Variants in SPAG16 observed in about 807,000 individuals in gnomAD.
The protein encoded by SPAG16 is sperm-associated antigen 16 protein.
SPAG16 carries 86 observed loss-of-function variants against 80.4 expected under a neutral mutation model. That is an observed-to-expected ratio of 1.07 (90% CI 0.90 to 1.28). The LOEUF (loss-of-function observed/expected upper bound fraction) is 1.28, where lower values mean the gene tolerates loss of function less well. Ranked by LOEUF, SPAG16 falls within the 50% of genes most tolerant of loss-of-function variation. SPAG16 has a pLI of 0.00. For missense variants in SPAG16, 870 were observed against 765.3 expected (o/e 1.14, Z -1.61); for synonymous variants, 294 against 265.9 (o/e 1.11, Z -1.03).
intron 15 of SPAG16, among the ~76,000 whole-genome samples, chr2:214,402,444 A>G (rs1483976979): frequency 6.6e-6 from 1 of 151,956 alleles, no homozygotes; most frequent in African/African-American, 2.4e-5. Context: ...TAATTCTTAA[A>G]TTAAGTTGAG....
At chr2:213,354,367 C>T (rs79827490) in intron 7 of SPAG16, among the ~76,000 whole-genome samples, 2,107 of 152,182 alleles carry the variant, frequency 0.014, 44 homozygotes, top group African/African-American at 0.047. Context: ...GTATCTTTAT[C>T]GTAGCATCAT....
intron 5 of SPAG16, among the ~76,000 whole-genome samples, chr2:213,319,967 A>T (rs2126143890): frequency 6.6e-6 from 1 of 152,128 alleles, no homozygotes; most frequent in East Asian, 1.9e-4. Context: ...ATTCAATAGA[A>T]CTTAAAATCT....
Position 213,823,347 on chromosome 2 carries a change from T to C in SPAG16, c.1071-39138T>C, listed in dbSNP as rs1209688545. On this transcript the variant is annotated intron_variant, in intron 10 of 15. Coordinates refer to ENST00000331683, the MANE Select transcript of SPAG16 (RefSeq NM_024532.5). ...CAGTGATGTTGAGTTTTTTGTTTTG[T>C]TTTTATTTGCTTTGTTTTGTTTTGT... Among the ~76,000 whole-genome samples the C allele has an allele frequency of 2.0e-5, 3 of 152,090 alleles. No homozygotes were observed. The East Asian group carries it at 5.8e-4, about 29-fold the overall frequency.
At chr2:213,521,394 C>T (rs1389627860) in intron 10 of SPAG16, among the ~76,000 whole-genome samples, 1 of 152,154 alleles carries the variant, frequency 6.6e-6, no homozygotes, top group Non-Finnish European at 1.5e-5. Context: ...CTGTAGCACC[C>T]AAGGACAATC....
intron 5 of SPAG16, among the ~76,000 whole-genome samples, chr2:213,334,192 C>G (rs1301979834): frequency 6.6e-6 from 1 of 152,012 alleles, no homozygotes; most frequent in African/African-American, 2.4e-5. Flanking sequence ...AAATGGCAAA[C>G]AGGTATATGA....
intron 12 of SPAG16, among the ~76,000 whole-genome samples, chr2:213,969,780 A>G (rs1462001972): frequency 6.6e-6 from 1 of 152,142 alleles, no homozygotes; most frequent in Non-Finnish European, 1.5e-5. Flanking sequence ...CCCTGAGCTC[A>G]GGTGTCAGTT....
intron 1 of SPAG16, among the ~76,000 whole-genome samples, chr2:213,291,740 C>T (rs2062282315): frequency 6.6e-6 from 1 of 152,176 alleles, no homozygotes; most frequent in African/African-American, 2.4e-5. Context: ...TATGTAGCAG[C>T]AAATTTATGG....
intron 10 of SPAG16, among the ~76,000 whole-genome samples, chr2:213,720,014 A>G (rs1472261293): frequency 6.6e-6 from 1 of 152,218 alleles, no homozygotes; most frequent in Non-Finnish European, 1.5e-5. Context: ...GCCATAAAAA[A>G]GGATGAGTTC....
At chr2:213,876,955 T>TAGAAG (rs2076164904) in intron 11 of SPAG16, among the ~76,000 whole-genome samples, 1 of 152,200 alleles carries the variant, frequency 6.6e-6, no homozygotes, top group Non-Finnish European at 1.5e-5. Context: ...GTAATTTTTA[T>TAGAAG]AGAAGAGAAA....
chr2:214,114,225 G>A (rs1438598329), intron 14 of SPAG16, among the ~76,000 whole-genome samples: 4 of 152,144 alleles, frequency 2.6e-5, no homozygotes, highest in African/African-American at 9.7e-5. Context: ...GCACCCGCCT[G>A]TATGAGGTGT....
At chr2:214,039,650 C>T (rs2048901145) in intron 13 of SPAG16, among the ~76,000 whole-genome samples, 1 of 152,186 alleles carries the variant, frequency 6.6e-6, no homozygotes, top group Non-Finnish European at 1.5e-5. Context: ...AACTGTTTTT[C>T]CATAGCATTG....
chr2:213,389,820 A>G (rs1231641108), intron 9 of SPAG16, among the ~76,000 whole-genome samples: 1 of 152,178 alleles, frequency 6.6e-6, no homozygotes, highest in Admixed American at 6.5e-5. Flanking sequence ...GGAAAACAGT[A>G]TGACAGTTCC....
intron 11 of SPAG16, among the ~76,000 whole-genome samples, chr2:213,866,368 A>G (rs955684750): frequency 6.6e-6 from 1 of 152,134 alleles, no homozygotes; most frequent in Non-Finnish European, 1.5e-5. Flanking sequence ...ATGTTTAAAA[A>G]GAGCAATATA....
At chr2:213,999,648 G>C (rs2046694194) in intron 12 of SPAG16, among the ~76,000 whole-genome samples, 1 of 152,198 alleles carries the variant, frequency 6.6e-6, no homozygotes, top group Non-Finnish European at 1.5e-5. Context: ...AGCTTGCACT[G>C]TTTGCCTGGC....
intron 15 of SPAG16, among the ~76,000 whole-genome samples, chr2:214,285,663 T>G (rs1006413490): frequency 3.9e-5 from 6 of 151,956 alleles, no homozygotes; most frequent in Non-Finnish European, 8.8e-5. Flanking sequence ...ATTAGCTAGA[T>G]GTGGTGGTGG....
chr2:214,052,002 T>A (rs1255751169), intron 13 of SPAG16, among the ~76,000 whole-genome samples: 1 of 152,236 alleles, frequency 6.6e-6, no homozygotes, highest in Non-Finnish European at 1.5e-5. Flanking sequence ...ATACTGCATA[T>A]TAATAGATAT....
At chr2:213,409,116 G>GGT (rs1553519621) in intron 9 of SPAG16, among the ~76,000 whole-genome samples, 43,123 of 146,752 alleles carry the variant, frequency 0.29, 6,662 homozygotes, top group African/African-American at 0.34. Flanking sequence ...TAAATTAACT[G>GGT]TTTTTTTTTT....
rs534966711 is a variant in SPAG16, at chr2:213,516,343, C to T, written c.1070+26253C>T. On this transcript the variant is annotated intron_variant, in intron 10 of 15. Coordinates refer to ENST00000331683, the MANE Select transcript of SPAG16 (RefSeq NM_024532.5). ...TTCTTCCCTTCAATAAGTGCCCATA[C>T]GTTACTAACATCTGATAACAAAATG... Among the ~76,000 whole-genome samples the T allele has an allele frequency of 4.6e-5, 7 of 152,250 alleles. No homozygotes were observed. The South Asian group carries it at 1.0e-3, about 23-fold the overall frequency.
rs190867185 is a variant in SPAG16, at chr2:214,398,768, T to C, written c.1721-11372T>C. Among the ~76,000 whole-genome samples, 292 of 152,364 alleles carry C rather than the reference T, an allele frequency of 1.9e-3. 2 individuals carry two copies. The highest frequency in any genetic ancestry group is 3.0e-3 in the Non-Finnish European group (202 of 68,026). ...TGTAGCAGCCAAATTAGCTTAACTT[T>C]CTGGCATAACTACTTTTGTTTCCCC... On this transcript the variant is annotated intron_variant, in intron 15 of 15. Transcript: ENST00000331683.
Sources: gnomAD v4.1 joint callset for allele counts (sites outside exome capture counted in the v4.1 genomes callset) on GRCh38, gnomAD v4.1.1 for gene constraint, MANE v1.5 for transcripts, NCBI Gene and HGNC (gene_info 2026-07-23, HGNC 2026-07-21) for gene names.